The following ALDH1A3 variants were observed in gnomAD, a reference collection of about 807,000 sequenced individuals.
The protein encoded by ALDH1A3 is aldehyde dehydrogenase 1 family member A3, also known as retinaldehyde dehydrogenase 3.
Under a neutral mutation model 57.5 loss-of-function variants are expected in ALDH1A3, and 28 were observed. The observed-to-expected ratio is 0.49, with a 90% CI of 0.36 to 0.67. The LOEUF (loss-of-function observed/expected upper bound fraction) is 0.67, where lower values mean the gene tolerates loss of function less well. ALDH1A3 is among the 30% of genes least tolerant of loss of function. The pLI, the probability that ALDH1A3 is intolerant of heterozygous loss-of-function variation, is 0.00. For synonymous variants in ALDH1A3, 281 were observed against 264.8 expected, an observed-to-expected ratio of 1.06 and a Z score of -0.59; for missense variants, 507 against 669.4, an observed-to-expected ratio of 0.76 and a Z score of 2.68.
intron 9 of ALDH1A3, among the ~76,000 whole-genome samples, chr15:100,901,762 A>G (rs2041771443): frequency 6.6e-6 from 1 of 152,234 alleles, no homozygotes; most frequent in South Asian, 2.1e-4. Flanking sequence ...TCTAGGTGGC[A>G]GTGAGTGTCT....
At position 100,894,293 on chromosome 15, in the gene ALDH1A3, T is replaced by A. The variant is rs1231191982; in HGVS notation, c.666+211T>A. On this transcript the variant is annotated intron_variant, in intron 6 of 12. Coordinates refer to ENST00000329841, the MANE Select transcript of ALDH1A3 (RefSeq NM_000693.4). This position sits in a 1 kb window ranked among gnomAD's most constrained non-coding sequence, Gnocchi z 4.5. The stretch of plus-strand genomic sequence containing the variant: ...ACTCCATTCCTCCCAGTGGTCCTAA[T>A]GAGAATGCTTAACTCTTATTATGGG... 4 of 566,824 alleles carry A rather than the reference T, an allele frequency of 7.1e-6. No homozygotes were observed. Among genetic ancestry groups the A allele is most frequent in the Admixed American group, 3.2e-5 (1 of 31,440 alleles). 35.1% of individuals were successfully genotyped at this position (566,824 alleles called of 1,614,324 possible).
chr15:100,881,596 T>G (rs776306942), intron 1 of ALDH1A3: 4 of 152,158 alleles, frequency 2.6e-5, no homozygotes, highest in African/African-American at 4.8e-5. Flanking sequence ...ACTTTTAAAG[T>G]GTAGATGTAG....
rs1288474929 is a variant in ALDH1A3 at position 100,900,726 on chromosome 15, C to T, written c.1035C>T (p.Asp345=). 1.2e-6 allele frequency: 2 copies of T among 1,613,974 alleles called. No individual in the cohort carries two copies. Among genetic ancestry groups the T allele is most frequent in the Non-Finnish European group, 1.7e-6 (2 of 1,180,030 alleles). The change falls in exon 9 of 13, where the codon GAC becomes GAT. Residue 345 remains aspartate (D), a synonymous_variant. Coordinates refer to ENST00000329841, the MANE Select transcript of ALDH1A3 (RefSeq NM_000693.4). ...VEYAKKRPVG[D]PFDVKTEQGP... is the part of the protein sequence containing the mutation. Reference sequence around the variant, plus strand: ...ATGCCAAGAAACGGCCCGTGGGAGACCCCTTCGATGTCAAAACAGAACAGG... The same window carrying T: ...ATGCCAAGAAACGGCCCGTGGGAGATCCCTTCGATGTCAAAACAGAACAGG...
chr15:100,915,010 C>CAGA lies in ALDH1A3; in HGVS notation c.*238_*239insGAA. ...CCTGCCTGGGGAGGGAGCTGTTGGC[C>CAGA]ATTTCTGTGTTTCCCTTTAAACCAG... On this transcript the variant is annotated 3_prime_UTR_variant, in exon 13 of 13. Coordinates refer to ENST00000329841, the MANE Select transcript of ALDH1A3 (RefSeq NM_000693.4). 3.8e-6 allele frequency: 2 copies of CAGA among 530,962 alleles called. No homozygotes were observed. Among genetic ancestry groups the CAGA allele is most frequent in the Non-Finnish European group, 6.8e-6 (2 of 294,396 alleles). 32.9% of individuals were successfully genotyped at this position (530,962 alleles called of 1,614,324 possible). A position where few individuals can be genotyped will look rare whatever the true frequency, so the allele number is the denominator to read the frequency against.
chr15:100,914,608 C>G, intron 12 of ALDH1A3, 93 bp from the exon 13 acceptor site: 2 of 1,236,712 alleles, frequency 1.6e-6, no homozygotes, highest in South Asian at 1.4e-5. Flanking sequence ...AAGCCTCCAA[C>G]GGCCTGATGG....
At chr15:100,902,305 A>G (rs1351164991) in intron 9 of ALDH1A3, among the ~76,000 whole-genome samples, 2 of 152,242 alleles carry the variant, frequency 1.3e-5, no homozygotes, top group African/African-American at 2.4e-5. Flanking sequence ...GCCACCGCTC[A>G]AAGTCCTTCT....
intron 12 of ALDH1A3, among the ~76,000 whole-genome samples, chr15:100,909,584 G>T (rs1596135303): frequency 6.6e-6 from 1 of 151,756 alleles, no homozygotes; most frequent in East Asian, 1.9e-4. Context: ...CCCTTCGTGT[G>T]TGTGCAAACC....
intron 9 of ALDH1A3, among the ~76,000 whole-genome samples, chr15:100,904,391 G>A (rs1490694421): frequency 6.6e-6 from 1 of 152,248 alleles, no homozygotes; most frequent in African/African-American, 2.4e-5. Flanking sequence ...TATTTCATGA[G>A]ATGATTGGTC....
intron 9 of ALDH1A3, among the ~76,000 whole-genome samples, chr15:100,904,415 G>T (rs765235282): frequency 6.6e-6 from 1 of 152,198 alleles, no homozygotes; most frequent in Admixed American, 6.5e-5. Flanking sequence ...TGGCATGCAC[G>T]GTTTATGCCC....
intron 8 of ALDH1A3, 83 bp downstream of exon 8, chr15:100,898,268 C>T: frequency 8.1e-7 from 1 of 1,229,656 alleles, no homozygotes; most frequent in Non-Finnish European, 1.2e-6. Flanking sequence ...AATTCAAAAC[C>T]AACTGAGAGT....
At chr15:100,897,562 G>T (rs1400962312) in intron 7 of ALDH1A3, among the ~76,000 whole-genome samples, 1 of 152,238 alleles carries the variant, frequency 6.6e-6, no homozygotes, top group Non-Finnish European at 1.5e-5. Context: ...CCAGAGAATC[G>T]GCTCCTTCTC....
Position 100,907,140 on chromosome 15 carries a change from C to T in ALDH1A3, c.1253C>T (p.Pro418Leu). 1 of 1,613,802 alleles carries T rather than the reference C, an allele frequency of 6.2e-7. No individual in the cohort carries two copies. Among genetic ancestry groups the T allele is most frequent in the Non-Finnish European group, 8.5e-7 (1 of 1,179,874 alleles). ...TCATAGATTTTCGGGCCAGTGCAAC[C>T]AATACTGAAGTTCAAAAGTATCGAA... ...AKEEIFGPVQ[P>L]ILKFKSIEEV... The change falls in exon 11 of 13, where the codon CCA becomes CTA. Residue 418 changes from proline to leucine, a missense_variant. This residue lies in a region of ALDH1A3 where 432 missense variants were observed against 608.4 expected (regional missense o/e 0.71). Coordinates refer to ENST00000329841, the MANE Select transcript of ALDH1A3 (RefSeq NM_000693.4).
intron 1 of ALDH1A3, among the ~76,000 whole-genome samples, chr15:100,884,095 C>CG (rs1258373034): frequency 6.6e-6 from 1 of 152,174 alleles, no homozygotes; most frequent in Non-Finnish European, 1.5e-5. Context: ...ATTTCTGCCA[C>CG]GGGGGTTCTT....
chr15:100,908,121 TTA>T (rs2041844589), intron 11 of ALDH1A3, among the ~76,000 whole-genome samples: 3 of 152,148 alleles, frequency 2.0e-5, no homozygotes, highest in African/African-American at 4.8e-5. Flanking sequence ...AGTGCTGGGA[TTA>T]CAGGCATAAG....
intron 7 of ALDH1A3, among the ~76,000 whole-genome samples, chr15:100,897,179 T>C (rs916148901): frequency 1.3e-5 from 2 of 152,210 alleles, no homozygotes; most frequent in African/African-American, 4.8e-5. Context: ...GTGGATGGAT[T>C]CCAGACCTCA....
chr15:100,910,780 CA>C (rs2041875333), intron 12 of ALDH1A3, among the ~76,000 whole-genome samples: 2 of 152,210 alleles, frequency 1.3e-5, no homozygotes, highest in Admixed American at 1.3e-4. Context: ...AGACCCCACA[CA>C]GTCCTCCTCC....
rs1285619698 is a variant in ALDH1A3 at position 100,913,018 on chromosome 15, C to T, written c.1467-1683C>T. Among the ~76,000 whole-genome samples, 14 of 96,510 alleles carry T rather than the reference C, an allele frequency of 1.5e-4. 5 individuals are homozygous for T. The highest frequency in any genetic ancestry group is 8.8e-4 in the Admixed American group (9 of 10,182). The allele number at this position is 96,510 out of a possible 152,430, so 63.3% of individuals were successfully genotyped here. On this transcript the variant is annotated intron_variant, in intron 12 of 12. Transcript: ENST00000329841. ...CTAAAAATACAAAAAATTAGCCGGG[C>T]GTGGCAGCGGGCGCCTGTAGTCCCA... is the stretch of plus-strand genomic sequence containing the variant.
Position 100,893,950 on chromosome 15 carries a change from G to A in ALDH1A3, c.538-4G>A, listed in dbSNP as rs368867260. On this transcript the variant is annotated splice_region_variant and splice_polypyrimidine_tract_variant and intron_variant, in intron 5 of 12. Coordinates refer to ENST00000329841, the MANE Select transcript of ALDH1A3 (RefSeq NM_000693.4). This position sits in a 1 kb window ranked among gnomAD's most constrained non-coding sequence, Gnocchi z 4.8. ...GCCTCCAAAGCCCCTGTGCTCTGTCGCAGTGGAACTTCCCCCTGCTGATGC... is the reference window on the plus strand; with the variant it reads ...GCCTCCAAAGCCCCTGTGCTCTGTCACAGTGGAACTTCCCCCTGCTGATGC... 32 of 1,613,970 alleles carry A rather than the reference G, an allele frequency of 2.0e-5. No homozygotes were observed. The highest frequency in any genetic ancestry group is 1.1e-4 in the African/African-American group (8 of 75,058).
At chr15:100,902,340 C>A (rs190251759) in intron 9 of ALDH1A3, among the ~76,000 whole-genome samples, 3 of 152,202 alleles carry the variant, frequency 2.0e-5, no homozygotes, top group Admixed American at 6.5e-5. Context: ...GCCGTCTAAC[C>A]TCAGCATATT....
Sources: gnomAD v4.1 joint callset for allele counts (sites outside exome capture counted in the v4.1 genomes callset) on GRCh38, gnomAD v4.1.1 for gene constraint, gnomAD v4.1.1 regional missense constraint, Gnocchi (gnomAD v3.1) non-coding constraint, MANE v1.5 for transcripts, NCBI Gene and HGNC (gene_info 2026-07-23, HGNC 2026-07-21) for gene names.